The following PLCB2 variants were observed in gnomAD, a reference collection of about 807,000 sequenced individuals.
The protein encoded by PLCB2 is 1-phosphatidylinositol 4,5-bisphosphate phosphodiesterase beta-2.
In PLCB2, 115 loss-of-function variants were observed where a neutral mutation model predicts 141.7. The observed-to-expected ratio is 0.81, with a 90% confidence interval of 0.70 to 0.95. The LOEUF (loss-of-function observed/expected upper bound fraction) is 0.95, where lower values mean the gene tolerates loss of function less well. Ranked by LOEUF, PLCB2 falls within the 40% of genes least tolerant of loss-of-function variation. PLCB2 has a pLI of 0.00. For missense variants in PLCB2, 1,403 were observed against 1,541.1 expected, an observed-to-expected ratio of 0.91 and a Z score of 1.50; for synonymous variants, 603 against 595.6, an observed-to-expected ratio of 1.01 and a Z score of -0.18.
rs766377947 is a variant in PLCB2, at chr15:40,288,829, G to C, written c.3444C>G (p.Thr1148=). The change falls in exon 32 of 32, where the codon ACC becomes ACG. Residue 1148 remains threonine, a synonymous_variant. Coordinates refer to ENST00000260402, the MANE Select transcript of PLCB2 (RefSeq NM_004573.3). ...TGTCCTTGGCCTCGGAGGGAAAGCA[G>C]GTCCTGAGGCAGGCCCTCACCGACT... The part of the protein sequence containing the change: ...VKESVRACLR[T]CFPSEAKDKP... 1.6e-5 allele frequency: 26 copies of C among 1,613,968 alleles called. 1 individual carries two copies. In the South Asian group the frequency reaches 2.6e-4, roughly 16 times the overall value.
Position 40,297,526 on chromosome 15 carries a change from A to G in PLCB2, c.1318T>C (p.Phe440Leu), listed in dbSNP as rs1422106593. 1.2e-6 allele frequency: 2 copies of G among 1,613,204 alleles called. No individual in the cohort carries two copies. The highest frequency in any genetic ancestry group is 2.2e-5 in the East Asian group (1 of 44,878). Reference protein sequence around the residue: ...DMLLTEPLEKFPLKPGVPLPS... With the variant: ...DMLLTEPLEKLPLKPGVPLPS... Reference sequence around the variant, plus strand: ...CCACAGCGAAGCCCACTCACTGGGAACTTTTCCAGGGGCTCTGTGAGCAGC... The same window carrying G: ...CCACAGCGAAGCCCACTCACTGGGAGCTTTTCCAGGGGCTCTGTGAGCAGC... Residue 440 changes from phenylalanine to leucine, a missense_variant, in exon 13 of 32, where the codon TTC (phenylalanine) becomes CTC (leucine). Physicochemically the swap from Phe to Leu is conservative, Grantham distance 22 (BLOSUM62 0). Coordinates refer to ENST00000260402, the MANE Select transcript of PLCB2 (RefSeq NM_004573.3). This position sits in a 1 kb window ranked among gnomAD's most constrained non-coding sequence, Gnocchi z 4.2.
Position 40,288,488 on chromosome 15 carries a change from A to G in PLCB2, c.*227T>C. 1 of 1,268,098 alleles carries G rather than the reference A, an allele frequency of 7.9e-7. No individual in the cohort carries two copies. The highest frequency in any genetic ancestry group is 9.9e-7 in the Non-Finnish European group (1 of 1,006,906). The allele number at this position is 1,268,098 out of a possible 1,614,324, so 78.6% of individuals were successfully genotyped here. A position where few individuals can be genotyped will look rare whatever the true frequency, so the allele number is the denominator to read the frequency against. On this transcript the variant is annotated 3_prime_UTR_variant, in exon 32 of 32. Coordinates refer to ENST00000260402, the MANE Select transcript of PLCB2 (RefSeq NM_004573.3). Reference sequence around the variant, plus strand: ...TCTAGAGATGGAGGGGGAGGTAGGAAGTCAGCTTGAGAAGACTTCTAGGCC... The same window carrying G: ...TCTAGAGATGGAGGGGGAGGTAGGAGGTCAGCTTGAGAAGACTTCTAGGCC...
intron 1 of PLCB2, 68 bp from the exon 2 acceptor site, chr15:40,304,146 G>A (rs1482696986): frequency 9.3e-7 from 1 of 1,077,126 alleles, no homozygotes; most frequent in Non-Finnish European, 1.4e-6. Flanking sequence ...CCAGGCCAGG[G>A]GTTTCAGAGC....
Position 40,299,145 on chromosome 15 carries a change from A to T in PLCB2, c.666T>A (p.Asp222Glu), listed in dbSNP as rs759290950. 1 of 1,597,204 alleles carries T rather than the reference A, an allele frequency of 6.3e-7. No individual in the cohort carries two copies. Among genetic ancestry groups the T allele is most frequent in the Non-Finnish European group, 8.6e-7 (1 of 1,165,268 alleles). The change falls in exon 8 of 32, where the codon GAT becomes GAA. Residue 222 changes from aspartate to glutamate, a missense_variant. Asp to Glu is a conservative substitution (Grantham distance 45). Coordinates refer to ENST00000260402, the MANE Select transcript of PLCB2 (RefSeq NM_004573.3). ...AAACTCACTAAGAAGTGAAGATCTCATCTATTTCTGGCCGAGGACAGAGGC... is the reference window on the plus strand; with the variant it reads ...AAACTCACTAAGAAGTGAAGATCTCTTCTATTTCTGGCCGAGGACAGAGGC... ...LMSLCPRPEI[D>E]EIFTSYHAKA...
chr15:40,296,540 C>G lies in PLCB2; in HGVS notation c.1581G>C (p.Lys527Asn), dbSNP rs1334342264. 1 of 1,614,020 alleles carries G rather than the reference C, an allele frequency of 6.2e-7. No individual in the cohort carries two copies. The change falls in exon 15 of 32, where the codon AAG (lysine) becomes AAC (asparagine). Residue 527 changes from lysine (K) to asparagine (N), a missense_variant. Lys to Asn is a moderately conservative substitution (Grantham distance 94). Coordinates refer to ENST00000260402, the MANE Select transcript of PLCB2 (RefSeq NM_004573.3). ...ESGNLDEEEI[K>N]KMQSDEGTAG... ...CACACACCTCATCCGACTGCATCTT[C>G]TTAATCTCTTCTTCATCCAGGTTTC...
chr15:40,302,835 G>A (rs2040591500), intron 3 of PLCB2, among the ~76,000 whole-genome samples: 1 of 152,234 alleles, frequency 6.6e-6, no homozygotes. Context: ...GGGCAGGCGG[G>A]GAGGCCGGCC....
chr15:40,286,868 G>A (rs188112825), downstream of PLCB2, among the ~76,000 whole-genome samples: 26 of 152,344 alleles, frequency 1.7e-4, no homozygotes, highest in African/African-American at 5.8e-4. Context: ...GGATTGCATC[G>A]CCTTCCCCAT....
At chr15:40,285,924 AC>A, downstream of PLCB2, 2 of 985,418 alleles carry the variant, frequency 2.0e-6, no homozygotes, top group Non-Finnish European at 2.4e-6. Flanking sequence ...GTGGATTGAG[AC>A]AGTTCCAGGG....
chr15:40,298,797 C>T lies in PLCB2; in HGVS notation c.850+1G>A. 1 of 1,612,484 alleles carries T rather than the reference C, an allele frequency of 6.2e-7. No homozygotes were observed. The highest frequency in any genetic ancestry group is 1.1e-5 in the South Asian group (1 of 90,968). On this transcript the variant is annotated splice_donor_variant, in intron 9 of 31. Transcript: ENST00000260402. LOFTEE classifies it high-confidence loss of function. ...GGACAAGGGGTTCCCTTAGTCCTCACCCCTCTGTGCATTGATGCCACTGGG... is the reference window on the plus strand; with the variant it reads ...GGACAAGGGGTTCCCTTAGTCCTCATCCCTCTGTGCATTGATGCCACTGGG...
In PLCB2 at chr15:40,298,658, T is replaced by G. The variant is rs878892925; in HGVS notation, c.901A>C (p.Ser301Arg). 1.2e-6 allele frequency: 2 copies of G among 1,614,026 alleles called. No individual in the cohort carries two copies. The highest frequency in any genetic ancestry group is 2.2e-5 in the East Asian group (1 of 44,894). The change falls in exon 10 of 32, where the codon AGC becomes CGC. Residue 301 changes from serine (S) to arginine (R), a missense_variant. Ser to Arg is a moderately radical substitution (Grantham distance 110, BLOSUM62 -1). This residue lies in a region of PLCB2 where 975 missense variants were observed against 1,141.1 expected (regional missense o/e 0.85). Coordinates refer to ENST00000260402, the MANE Select transcript of PLCB2 (RefSeq NM_004573.3). The part of the protein sequence containing the change: ...MVWFLCGPEN[S>R]VLAQDKLLLH... ...AGCAGCTTGTCCTGGGCCAGCACGCTGTTCTCTGGCCCACAGAGAAACCAG... is the reference window on the plus strand; with the variant it reads ...AGCAGCTTGTCCTGGGCCAGCACGCGGTTCTCTGGCCCACAGAGAAACCAG...
At position 40,292,504 on chromosome 15, in the gene PLCB2, C is replaced by T. The variant is rs955883427; in HGVS notation, c.2327-61G>A. 3 of 1,199,178 alleles carry T rather than the reference C, an allele frequency of 2.5e-6. No homozygotes were observed. In the East Asian group the frequency reaches 7.2e-5, roughly 29 times the overall value. 74.3% of individuals were successfully genotyped at this position (1,199,178 alleles called of 1,614,324 possible). A position where few individuals can be genotyped will look rare whatever the true frequency, so the allele number is the denominator to read the frequency against. On this transcript the variant is annotated intron_variant, in intron 21 of 31. Transcript: ENST00000260402. ...CCCGTTCCTGCCAGCACTGTGCACACACAGCCTAGGACCCAAGGGTCTGAG... is the reference window on the plus strand; with the variant it reads ...CCCGTTCCTGCCAGCACTGTGCACATACAGCCTAGGACCCAAGGGTCTGAG...
In PLCB2 at chr15:40,288,781, G is replaced by GCA; in HGVS notation, c.3490_3491dup (p.Pro1165AlafsTer12). Reference sequence around the variant, plus strand: ...GGTCCTGCTCACACAGCTCTGGGGGGCACTCGCAGGCCCTCTCAGGCTTGT... The same window carrying GCA: ...GGTCCTGCTCACACAGCTCTGGGGGGCACACTCGCAGGCCCTCTCAGGCTTGT... On this transcript the variant is annotated frameshift_variant, in exon 32 of 32. Transcript: ENST00000260402. LOFTEE classifies it low-confidence loss of function (END_TRUNC). 2 of 1,613,874 alleles carry GCA rather than the reference G, an allele frequency of 1.2e-6. No individual in the cohort carries two copies. The highest frequency in any genetic ancestry group is 1.7e-6 in the Non-Finnish European group (2 of 1,179,768).
At chr15:40,305,441 C>G (rs1339785590) in intron 1 of PLCB2, among the ~76,000 whole-genome samples, 3 of 152,082 alleles carry the variant, frequency 2.0e-5, no homozygotes, top group Admixed American at 1.3e-4. Flanking sequence ...TGGACTACAG[C>G]GAGCTAACTG....
intron 2 of PLCB2, 149 bp from the exon 3 acceptor site, chr15:40,303,505 C>T (rs1003761268): frequency 4.7e-6 from 3 of 636,110 alleles, no homozygotes; most frequent in Non-Finnish European, 8.5e-6. Context: ...TGCCCAGGGC[C>T]AGCTGGACCC....
intron 6 of PLCB2, 30 bp downstream of exon 6, chr15:40,302,106 G>A: frequency 1.2e-6 from 2 of 1,612,952 alleles, no homozygotes; most frequent in Non-Finnish European, 1.7e-6. Context: ...GGGAGCCCCT[G>A]GAAGCCTGGG....
At chr15:40,286,613 T>G (rs974135969), downstream of PLCB2, among the ~76,000 whole-genome samples, 1 of 152,142 alleles carries the variant, frequency 6.6e-6, no homozygotes. Flanking sequence ...CTTGCCCCAG[T>G]CCCATAGATA....
intron 9 of PLCB2, 28 bp from the exon 10 acceptor site, chr15:40,298,736 T>C (rs999952875): frequency 1.1e-5 from 18 of 1,612,554 alleles, no homozygotes; most frequent in Non-Finnish European, 1.5e-5. Context: ...GCTGTCAGGC[T>C]ACAACCCCGC....
In PLCB2 at chr15:40,298,570, T is replaced by C; in HGVS notation, c.989A>G (p.Tyr330Cys). 1.2e-6 allele frequency: 2 copies of C among 1,614,158 alleles called. No homozygotes were observed. Among genetic ancestry groups the C allele is most frequent in the Non-Finnish European group, 1.7e-6 (2 of 1,180,006 alleles). Residue 330 changes from tyrosine to cysteine, a missense_variant, in exon 10 of 32, where the codon TAC (tyrosine) becomes TGC (cysteine). Tyr to Cys is a radical substitution (Grantham distance 194). Transcript: ENST00000260402. ...ATGTTATCAGGGCCCACCTGTCAGG[T>C]AGGTGTTGTGGGACGAGTTGATGAA... is the stretch of plus-strand genomic sequence containing the variant. ...HYFINSSHNT[Y>C]LTAGQFSGLS...
At position 40,292,347 on chromosome 15, in the gene PLCB2, G is replaced by A; in HGVS notation, c.2423C>T (p.Ala808Val). 6.2e-7 allele frequency: 1 copy of A among 1,606,312 alleles called. No homozygotes were observed. Among genetic ancestry groups the A allele is most frequent in the Non-Finnish European group, 8.5e-7 (1 of 1,173,322 alleles). Residue 808 changes from alanine to valine, a missense_variant, in exon 22 of 32, where the codon GCT (alanine) becomes GTT (valine). Ala to Val is a moderately conservative substitution (Grantham distance 64). Around this residue, in one of 4 missense-constraint regions of PLCB2, gnomAD observed 975 missense variants for 1,141.1 expected, o/e 0.85. Transcript: ENST00000260402. ...ATGCCATGGGCTCCTACCTGCCCAA[G>A]CACCAGGTATGTAGTCCTTCATCTC... Reference protein sequence around the residue: ...FLEMKDYIPGAWADLTVALAN... With the variant: ...FLEMKDYIPGVWADLTVALAN...
Sources: gnomAD v4.1 joint callset for allele counts (sites outside exome capture counted in the v4.1 genomes callset) on GRCh38, gnomAD v4.1.1 for gene constraint, gnomAD v4.1.1 regional missense constraint, Gnocchi (gnomAD v3.1) non-coding constraint, MANE v1.5 for transcripts, NCBI Gene and HGNC (gene_info 2026-07-23, HGNC 2026-07-21) for gene names.